The following PRKD3 variants were observed in gnomAD, a reference collection of about 807,000 sequenced individuals.
PRKD3 encodes the protein serine/threonine-protein kinase D3.
A neutral mutation model predicts 99.2 loss-of-function variants in PRKD3; 47 were observed. The ratio of observed to expected loss-of-function variants is 0.47; its 90% CI spans 0.38 to 0.60. PRKD3 has a LOEUF of 0.60. PRKD3 is among the 20% of genes least tolerant of loss of function. The pLI, the probability that PRKD3 is intolerant of heterozygous loss-of-function variation, is 0.00. For missense variants in PRKD3, 1,019 were observed against 1,088.4 expected (o/e 0.94, Z 0.90); for synonymous variants, 392 against 355.4 (o/e 1.10, Z -1.16).
intron 3 of PRKD3, among the ~76,000 whole-genome samples, chr2:37,292,344 T>A (rs539875557): frequency 1.3e-4 from 19 of 151,342 alleles, no homozygotes; most frequent in Admixed American, 1.3e-4. Flanking sequence ...CTATCCTGAT[T>A]TTTTCCTTTT....
At chr2:37,323,676 A>G (rs1254084057) in intron 1 of PRKD3, among the ~76,000 whole-genome samples, 1 of 151,072 alleles carries the variant, frequency 6.6e-6, no homozygotes, top group African/African-American at 2.5e-5. Context: ...GTAGAAGGGT[A>G]AAAAAAAAGT....
intron 13 of PRKD3, 53 bp from the exon 14 acceptor site, chr2:37,267,589 G>C: frequency 7.7e-7 from 1 of 1,298,524 alleles, no homozygotes; most frequent in Non-Finnish European, 1.1e-6. Context: ...AGCTTTATTA[G>C]GGAGTTGTCC....
intron 13 of PRKD3, chr2:37,269,266 T>C (rs1669058195): frequency 8.9e-6 from 2 of 224,234 alleles, no homozygotes; most frequent in Non-Finnish European, 1.8e-5. Flanking sequence ...CCATTTGTGT[T>C]GGAAAACTAG....
chr2:37,272,299 A>C, intron 12 of PRKD3, 81 bp downstream of exon 12: 1 of 1,554,894 alleles, frequency 6.4e-7, no homozygotes, highest in Non-Finnish European at 8.7e-7. Flanking sequence ...CGATGAACCA[A>C]TTTCTCTAAT....
intron 1 of PRKD3, among the ~76,000 whole-genome samples, chr2:37,321,729 T>C (rs1204848524): frequency 6.6e-6 from 1 of 152,114 alleles, no homozygotes; most frequent in South Asian, 2.1e-4. Flanking sequence ...CAAGAGGTGA[T>C]ATGGCAGAGT....
Position 37,274,478 on chromosome 2 carries a change from T to C in PRKD3, c.1594A>G (p.Met532Val). The C allele has an allele frequency of 6.2e-7, 1 of 1,614,132 alleles. No homozygotes were observed. The highest frequency in any genetic ancestry group is 1.6e-4 in the Middle Eastern group (1 of 6,062). The change falls in exon 11 of 19, where the codon ATG becomes GTG. Residue 532 changes from methionine to valine, a missense_variant. Transcript: ENST00000234179. ...SWEKAIRQAL[M>V]PVTPQASVCT... is the part of the protein sequence containing the mutation. Reference sequence around the variant, plus strand: ...ACACTTGCTTGAGGAGTAACAGGCATGAGGGCTTGGCGAATTGCTTTTTCC... The same window carrying C: ...ACACTTGCTTGAGGAGTAACAGGCACGAGGGCTTGGCGAATTGCTTTTTCC...
intron 10 of PRKD3, among the ~76,000 whole-genome samples, chr2:37,275,245 G>A (rs1402556937): frequency 6.6e-6 from 1 of 151,976 alleles, no homozygotes; most frequent in Non-Finnish European, 1.5e-5. Context: ...CTCAAAGCAA[G>A]CCATTAGTTC....
chr2:37,256,360 C>G (rs558412392), intron 17 of PRKD3, among the ~76,000 whole-genome samples: 2 of 152,192 alleles, frequency 1.3e-5, no homozygotes, highest in South Asian at 2.1e-4. Flanking sequence ...GCAGTAGTGA[C>G]TAGGAAGGAC....
chr2:37,308,843 G>T (rs1310177526), intron 2 of PRKD3, among the ~76,000 whole-genome samples: 1 of 151,380 alleles, frequency 6.6e-6, no homozygotes, highest in Non-Finnish European at 1.5e-5. Flanking sequence ...TTTGAAAAAT[G>T]ATTCCTTTTA....
chr2:37,272,347 C>T (rs573356565), intron 12 of PRKD3, 33 bp downstream of exon 12: 1 of 1,590,200 alleles, frequency 6.3e-7, no homozygotes, highest in Admixed American at 1.9e-5. Context: ...TTTTAATCAC[C>T]CAGTTTACAC....
At chr2:37,289,609 T>C (rs1670300647) in intron 4 of PRKD3, 96 bp from the exon 5 acceptor site, 2 of 1,078,718 alleles carry the variant, frequency 1.9e-6, no homozygotes, top group Admixed American at 2.7e-5. Flanking sequence ...ATTTAACATA[T>C]TTTCTGTTAG....
chr2:37,269,581 T>G (rs773343373), intron 13 of PRKD3, 34 bp downstream of exon 13: 25 of 1,558,346 alleles, frequency 1.6e-5, no homozygotes, highest in Non-Finnish European at 2.0e-5. Flanking sequence ...TTTAAAATAA[T>G]GTGTACAATA....
At chr2:37,310,513 C>T (rs1214572394) in intron 2 of PRKD3, among the ~76,000 whole-genome samples, 1 of 152,212 alleles carries the variant, frequency 6.6e-6, no homozygotes, top group Non-Finnish European at 1.5e-5. Flanking sequence ...TAACACTATA[C>T]TGCTTCATAT....
chr2:37,275,730 C>A, intron 10 of PRKD3, 37 bp downstream of exon 10: 1 of 1,560,246 alleles, frequency 6.4e-7, no homozygotes, highest in South Asian at 1.2e-5. Context: ...CATACACTAT[C>A]TTAATGCTTA....
intron 4 of PRKD3, 57 bp from the exon 5 acceptor site, chr2:37,289,570 T>A (rs1442911730): frequency 7.2e-7 from 1 of 1,380,244 alleles, no homozygotes; most frequent in Non-Finnish European, 9.9e-7. Flanking sequence ...ACTATTTAAG[T>A]GTGATACATA....
intron 12 of PRKD3, among the ~76,000 whole-genome samples, 176 bp downstream of exon 12, chr2:37,272,204 T>C (rs1048903845): frequency 2.0e-5 from 3 of 152,220 alleles, no homozygotes; most frequent in Non-Finnish European, 4.4e-5. Context: ...TTATTTTTAA[T>C]TTTAAAAATC....
Position 37,256,789 on chromosome 2 carries a change from C to T in PRKD3, c.2286G>A (p.Val762=). The change falls in exon 17 of 19, where the codon GTG becomes GTA. Residue 762 remains valine (V), a synonymous_variant. Transcript: ENST00000234179. ...GYNRSLDMWS[V]GVIIYVSLSG... The stretch of plus-strand genomic sequence containing the variant: ...TGAGGCTCACATAGATGATAACTCC[C>T]ACTGACCACATATCTAGGGAACGGT... 8.7e-6 allele frequency: 14 copies of T among 1,613,912 alleles called. No homozygotes were observed. The highest frequency in any genetic ancestry group is 1.2e-5 in the Non-Finnish European group (14 of 1,179,986).
chr2:37,259,847 A>G (rs992193950), intron 15 of PRKD3, among the ~76,000 whole-genome samples, 166 bp from the exon 16 acceptor site: 1 of 152,188 alleles, frequency 6.6e-6, no homozygotes, highest in African/African-American at 2.4e-5. Context: ...ATCACCCAAC[A>G]TGTAAAAGTA....
intron 2 of PRKD3, among the ~76,000 whole-genome samples, chr2:37,309,170 T>A (rs1237927239): frequency 6.6e-6 from 1 of 152,178 alleles, no homozygotes; most frequent in Admixed American, 6.5e-5. Flanking sequence ...TTTTAAAGAT[T>A]TTAATTTTAT....
Sources: gnomAD v4.1 joint callset for allele counts (sites outside exome capture counted in the v4.1 genomes callset) on GRCh38, gnomAD v4.1.1 for gene constraint, MANE v1.5 for transcripts, NCBI Gene and HGNC (gene_info 2026-07-23, HGNC 2026-07-21) for gene names.